Variants in LRMDA observed in about 807,000 individuals in gnomAD.
LRMDA encodes leucine rich melanocyte differentiation associated, also known as leucine-rich melanocyte differentiation-associated protein.
In LRMDA, 18 loss-of-function variants were observed where a neutral mutation model predicts 29.8. The ratio of observed to expected loss-of-function variants is 0.60; its 90% CI spans 0.42 to 0.90. The LOEUF (loss-of-function observed/expected upper bound fraction) is 0.90. Among genes scored for constraint, LRMDA ranks in the 40% least tolerant of loss-of-function variants. The probability of loss-of-function intolerance (pLI) is 0.00; values close to 1 mark genes in which losing one functional copy is unlikely to be tolerated. For missense variants in LRMDA, 273 were observed against 273.9 expected, an observed-to-expected ratio of 1.00 and a Z score of 0.02; for synonymous variants, 125 against 109.4, an observed-to-expected ratio of 1.14 and a Z score of -0.89.
chr10:76,080,158 T>C (rs956223268), intron 5 of LRMDA, among the ~76,000 whole-genome samples: 2 of 152,200 alleles, frequency 1.3e-5, no homozygotes, highest in African/African-American at 4.8e-5. Context: ...ATATCTCACC[T>C]TCTTTCTCTC....
rs944945405 is a variant in LRMDA, at chr10:76,307,292, G to A, written c.517-17109G>A. Among the ~76,000 whole-genome samples, 9 of 152,278 alleles carry A rather than the reference G, an allele frequency of 5.9e-5. No homozygotes were observed. In the East Asian group the frequency reaches 1.5e-3, roughly 26 times the overall value. ...CAAGACCTCGTGGGGAGGGTTTTCTGGAGGTGGAGGCCTTTTGTTGATGTT... is the reference window on the plus strand; with the variant it reads ...CAAGACCTCGTGGGGAGGGTTTTCTAGAGGTGGAGGCCTTTTGTTGATGTT... On this transcript the variant is annotated intron_variant, in intron 5 of 6. Coordinates refer to ENST00000611255, the MANE Select transcript of LRMDA (RefSeq NM_001305581.2).
At chr10:75,854,811 T>C (rs1465826448) in intron 2 of LRMDA, among the ~76,000 whole-genome samples, 1 of 150,520 alleles carries the variant, frequency 6.6e-6, no homozygotes, top group African/African-American at 2.4e-5. Flanking sequence ...AGCGAGAACA[T>C]GCAGTGTTTG....
intron 2 of LRMDA, among the ~76,000 whole-genome samples, chr10:76,004,726 ATTTTTTT>A (rs926291826): frequency 3.2e-4 from 43 of 134,028 alleles, no homozygotes; most frequent in African/African-American, 1.2e-3. Flanking sequence ...TTTTCTTTTA[ATTTTTTT>A]TTTTTTTTTT....
chr10:75,556,539 C>T (rs906903852), intron 2 of LRMDA, among the ~76,000 whole-genome samples: 2 of 152,154 alleles, frequency 1.3e-5, no homozygotes. Context: ...GGACACTTAT[C>T]CTCAGCAAGC....
intron 6 of LRMDA, among the ~76,000 whole-genome samples, chr10:76,444,721 G>A (rs944661357): frequency 1.1e-4 from 16 of 152,064 alleles, no homozygotes; most frequent in Non-Finnish European, 1.6e-4. Context: ...AAGATGGTGA[G>A]TAATACTAAA....
intron 2 of LRMDA, among the ~76,000 whole-genome samples, chr10:75,976,478 T>G (rs1197206299): frequency 6.6e-6 from 1 of 152,214 alleles, no homozygotes. Flanking sequence ...TGCCTAAATG[T>G]GTATTGTCTG....
At chr10:75,928,764 C>T (rs186957934) in intron 2 of LRMDA, among the ~76,000 whole-genome samples, 717 of 152,190 alleles carry the variant, frequency 4.7e-3, no homozygotes, top group Middle Eastern at 0.024. Context: ...GTGGCATGCT[C>T]CATAACCTTG....
At chr10:76,376,120 T>C (rs1841514707) in intron 6 of LRMDA, among the ~76,000 whole-genome samples, 1 of 152,110 alleles carries the variant, frequency 6.6e-6, no homozygotes, top group Non-Finnish European at 1.5e-5. Context: ...TCATTCCCAA[T>C]AGGTAATTTC....
chr10:75,714,320 T>C (rs573375050), intron 2 of LRMDA, among the ~76,000 whole-genome samples: 12 of 152,232 alleles, frequency 7.9e-5, no homozygotes, highest in Non-Finnish European at 1.5e-4. Context: ...CCATGTTCCT[T>C]GTGCAGATGA....
intron 2 of LRMDA, among the ~76,000 whole-genome samples, chr10:75,446,537 A>G (rs957221140): frequency 6.6e-6 from 1 of 152,250 alleles, no homozygotes; most frequent in African/African-American, 2.4e-5. Context: ...TGTAAGAGCC[A>G]GTAAATGATT....
At chr10:76,123,911 G>A (rs894753788) in intron 5 of LRMDA, among the ~76,000 whole-genome samples, 4 of 152,214 alleles carry the variant, frequency 2.6e-5, no homozygotes, top group Non-Finnish European at 5.9e-5. Context: ...ATGGATGGGT[G>A]AAAGATGAGC....
chr10:76,141,209 G>A (rs1304666748), intron 5 of LRMDA, among the ~76,000 whole-genome samples: 5 of 152,066 alleles, frequency 3.3e-5, no homozygotes, highest in Non-Finnish European at 7.4e-5. Flanking sequence ...ATGTTAATAA[G>A]CTTCTATTTG....
rs369273543 is a variant in LRMDA, at chr10:76,438,366, C to A, written c.601+113881C>A. Among the ~76,000 whole-genome samples the A allele has an allele frequency of 1.1e-4, 17 of 152,302 alleles. 1 individual carries two copies. In the East Asian group the frequency reaches 3.1e-3, roughly 28 times the overall value. ...GGGCTTTGGTTATTCTTTAAACTTACAATACTCATTGCATGACAGAATTAT... is the reference window on the plus strand; with the variant it reads ...GGGCTTTGGTTATTCTTTAAACTTAAAATACTCATTGCATGACAGAATTAT... On this transcript the variant is annotated intron_variant, in intron 6 of 6. Transcript: ENST00000611255.
chr10:75,978,875 A>G (rs771257464), intron 2 of LRMDA, among the ~76,000 whole-genome samples: 6 of 152,214 alleles, frequency 3.9e-5, no homozygotes, highest in Admixed American at 6.5e-5. Context: ...AACTGCATCA[A>G]TGTTTAAAAA....
At chr10:76,378,939 C>G (rs1386666116) in intron 6 of LRMDA, among the ~76,000 whole-genome samples, 10 of 150,450 alleles carry the variant, frequency 6.6e-5, no homozygotes, top group Non-Finnish European at 1.3e-4. Context: ...TCACTGCAAC[C>G]TCTGCTTCCC....
chr10:76,307,816 G>GT (rs1840577138), intron 5 of LRMDA, among the ~76,000 whole-genome samples: 1 of 152,200 alleles, frequency 6.6e-6, no homozygotes, highest in African/African-American at 2.4e-5. Context: ...AGAAATTTCT[G>GT]ATGAGAAGTT....
chr10:76,125,129 A>G (rs1345170306), intron 5 of LRMDA, among the ~76,000 whole-genome samples: 2 of 152,196 alleles, frequency 1.3e-5, no homozygotes, highest in African/African-American at 4.8e-5. Flanking sequence ...TGAAGAAGCA[A>G]ATAGATATTT....
chr10:76,463,299 G>T (rs1000637443), intron 6 of LRMDA, among the ~76,000 whole-genome samples: 4 of 152,164 alleles, frequency 2.6e-5, no homozygotes, highest in African/African-American at 9.7e-5. Context: ...GATGCAAGTG[G>T]GACCTATGGA....
At chr10:75,732,112 T>TTG (rs763554008) in intron 2 of LRMDA, among the ~76,000 whole-genome samples, 85 of 152,280 alleles carry the variant, frequency 5.6e-4, no homozygotes, top group Non-Finnish European at 8.8e-5. Context: ...GTGAGTTTTT[T>TTG]TGTGTGTGTG....
Sources: gnomAD v4.1 joint callset for allele counts (sites outside exome capture counted in the v4.1 genomes callset) on GRCh38, gnomAD v4.1.1 for gene constraint, MANE v1.5 for transcripts, NCBI Gene and HGNC (gene_info 2026-07-23, HGNC 2026-07-21) for gene names.